Variants in KIF17 observed in about 807,000 individuals in gnomAD.
KIF17 encodes the protein kinesin family member 17, also known as kinesin-like protein KIF17.
A neutral mutation model predicts 96.8 loss-of-function variants in KIF17; 80 were observed. The observed-to-expected ratio is 0.83, with a 90% CI of 0.69 to 1.00. KIF17 has a LOEUF of 1.00. Ranked by LOEUF, KIF17 falls within the 50% of genes least tolerant of loss-of-function variation. The pLI is 0.00. For missense variants in KIF17, 1,280 were observed against 1,372.9 expected (o/e 0.93, Z 1.07); for synonymous variants, 567 against 587.5 (o/e 0.97, Z 0.51).
intron 4 of KIF17, among the ~76,000 whole-genome samples, chr1:20,705,579 C>G (rs67962597): frequency 6.6e-6 from 1 of 152,224 alleles, no homozygotes; most frequent in Non-Finnish European, 1.5e-5. Context: ...TCCACAGACA[C>G]GCTTTGAAGA....
chr1:20,683,004 A>G, intron 10 of KIF17, 120 bp from the exon 11 acceptor site: 1 of 821,288 alleles, frequency 1.2e-6, no homozygotes, highest in South Asian at 1.7e-5. Flanking sequence ...CCCACTTCAC[A>G]GGGAGGGAAA....
At position 20,717,407 on chromosome 1, in the gene KIF17, G is replaced by A. The variant is rs1419375197; in HGVS notation, c.231+69C>T. 4.5e-6 allele frequency: 7 copies of A among 1,563,590 alleles called. No homozygotes were observed. The Admixed American group carries it at 5.2e-5, about 12-fold the overall frequency. On this transcript the variant is annotated intron_variant, in intron 1 of 14. Transcript: ENST00000400463. ...TTCCTCCTGGCTGGGGGGCAGCGCA[G>A]CCCCCTGGGGACTCTCGGGGCGGCC...
At chr1:20,695,240 T>C (rs1196115977) in intron 6 of KIF17, among the ~76,000 whole-genome samples, 1 of 152,022 alleles carries the variant, frequency 6.6e-6, no homozygotes, top group African/African-American at 2.4e-5. Flanking sequence ...CAGGCTGGAG[T>C]GCAGTGGCGC....
intron 5 of KIF17, among the ~76,000 whole-genome samples, chr1:20,698,785 C>T (rs1234774410): frequency 6.6e-6 from 1 of 152,078 alleles, no homozygotes; most frequent in East Asian, 1.9e-4. Context: ...TGAAATGCCT[C>T]GTGGTGGTGT....
chr1:20,710,116 G>A (rs2054412011), intron 3 of KIF17, among the ~76,000 whole-genome samples: 1 of 152,180 alleles, frequency 6.6e-6, no homozygotes, highest in African/African-American at 2.4e-5. Context: ...TAGGATATGG[G>A]GAGGAATCCG....
At position 20,704,903 on chromosome 1, in the gene KIF17, C is replaced by T; in HGVS notation, c.671-4G>A. ...AGGTGGTCCTTGCCCCGCTCATCTGCACACAGACCAGGCAAAGTGGCGAGG... is the reference window on the plus strand; with the variant it reads ...AGGTGGTCCTTGCCCCGCTCATCTGTACACAGACCAGGCAAAGTGGCGAGG... On this transcript the variant is annotated splice_polypyrimidine_tract_variant and splice_region_variant and intron_variant, in intron 4 of 14. Coordinates refer to ENST00000400463, the MANE Select transcript of KIF17 (RefSeq NM_001122819.3). This position sits in a 1 kb window ranked among gnomAD's most constrained non-coding sequence, Gnocchi z 6.8. 6.3e-7 allele frequency: 1 copy of T among 1,599,474 alleles called. No individual in the cohort carries two copies. The highest frequency in any genetic ancestry group is 8.5e-7 in the Non-Finnish European group (1 of 1,179,696).
At chr1:20,697,227 T>C (rs966680202) in intron 6 of KIF17, among the ~76,000 whole-genome samples, 4 of 151,736 alleles carry the variant, frequency 2.6e-5, no homozygotes, top group African/African-American at 9.7e-5. Context: ...GTGGCAGGGG[T>C]CCAGCAGCGG....
chr1:20,691,744 C>T (rs896856313), intron 6 of KIF17, among the ~76,000 whole-genome samples: 4 of 151,624 alleles, frequency 2.6e-5, no homozygotes, highest in Non-Finnish European at 5.9e-5. Flanking sequence ...GCTGGGATTA[C>T]AGGCATGAGC....
Position 20,675,426 on chromosome 1 carries a change from C to T in KIF17, c.2464-3230G>A, listed in dbSNP as rs945651381. ...TCACGCCATTGCACTCCAGCCTGGG[C>T]GACAAAGCGAGACTCTGTCTCAAAA... On this transcript the variant is annotated intron_variant, in intron 11 of 14. Coordinates refer to ENST00000400463, the MANE Select transcript of KIF17 (RefSeq NM_001122819.3). 8.6e-4 allele frequency among the ~76,000 whole-genome samples: 123 copies of T among 143,328 alleles called. 1 individual carries two copies. The highest frequency in any genetic ancestry group is 2.6e-3 in the African/African-American group (101 of 38,516). The allele number at this position is 143,328 out of a possible 152,430, so 94.0% of individuals were successfully genotyped here. A position where few individuals can be genotyped will look rare whatever the true frequency, so the allele number is the denominator to read the frequency against.
In KIF17 at chr1:20,672,434, G is replaced by A. The variant is rs551154490; in HGVS notation, c.2464-238C>T. Reference sequence around the variant, plus strand: ...AATCACCCTGCTGTCTCTCCACCCAGCATTTAAATGAGCACCTAATGTGTC... The same window carrying A: ...AATCACCCTGCTGTCTCTCCACCCAACATTTAAATGAGCACCTAATGTGTC... On this transcript the variant is annotated intron_variant, in intron 11 of 14. Transcript: ENST00000400463. The surrounding 1 kb of genome is among the most constrained non-coding windows in gnomAD (Gnocchi z 4.3). Among the ~76,000 whole-genome samples, 1 of 152,154 alleles carries A rather than the reference G, an allele frequency of 6.6e-6. No homozygotes were observed. The highest frequency in any genetic ancestry group is 6.5e-5 in the Admixed American group (1 of 15,272).
intron 7 of KIF17, among the ~76,000 whole-genome samples, chr1:20,689,525 C>T (rs907727519): frequency 1.3e-5 from 2 of 152,068 alleles, no homozygotes; most frequent in Non-Finnish European, 2.9e-5. Context: ...GTAGTGTGCA[C>T]CTGTAATCCC....
Position 20,672,235 on chromosome 1 carries a change from T to A in KIF17, c.2464-39A>T, listed in dbSNP as rs1416840334. Reference sequence around the variant, plus strand: ...ATGACAAGCAGTGAGCAGGGAAAGATACCTCCCCTTCCATCTAACCACCCT... The same window carrying A: ...ATGACAAGCAGTGAGCAGGGAAAGAAACCTCCCCTTCCATCTAACCACCCT... On this transcript the variant is annotated intron_variant, in intron 11 of 14. Transcript: ENST00000400463. This position sits in a 1 kb window ranked among gnomAD's most constrained non-coding sequence, Gnocchi z 4.3. The A allele has an allele frequency of 6.2e-7, 1 of 1,611,066 alleles. No individual in the cohort carries two copies. The highest frequency in any genetic ancestry group is 1.1e-5 in the South Asian group (1 of 90,792).
intron 11 of KIF17, among the ~76,000 whole-genome samples, chr1:20,673,796 G>C (rs989921287): frequency 2.6e-5 from 4 of 152,080 alleles, no homozygotes; most frequent in South Asian, 2.1e-4. Context: ...CTCCCAAAGT[G>C]TTGGGATTAC....
At chr1:20,690,369 C>T in intron 6 of KIF17, 34 bp from the exon 7 acceptor site, 1 of 1,580,282 alleles carries the variant, frequency 6.3e-7, no homozygotes, top group Non-Finnish European at 8.7e-7. Flanking sequence ...GGGCAGGCAG[C>T]ATTTTATCAT....
intron 3 of KIF17, among the ~76,000 whole-genome samples, chr1:20,712,863 T>TTAGAGATATTATCTATAA (rs2054493904): frequency 5.3e-5 from 2 of 38,046 alleles, no homozygotes; most frequent in African/African-American, 1.5e-4. Context: ...ATTATCTATA[T>TTAGAGATATTATCTATAA]TATAGATATT....
At chr1:20,690,116 G>A in intron 7 of KIF17, 72 bp downstream of exon 7, 1 of 1,525,996 alleles carries the variant, frequency 6.6e-7, no homozygotes, top group South Asian at 1.1e-5. Context: ...GCTCTGTGAT[G>A]CAGTTACTGC....
Position 20,700,496 on chromosome 1 carries a change from T to A in KIF17, c.1124-2008A>T, listed in dbSNP as rs1422120723. On this transcript the variant is annotated intron_variant, in intron 5 of 14. Transcript: ENST00000400463. This position sits in a 1 kb window ranked among gnomAD's most constrained non-coding sequence, Gnocchi z 4.6. ...GGTTTGAACACCTGAGTTGCCTCTG[T>A]CAGCTGTTGGGGGGAGCTGCAGCCT... is the stretch of plus-strand genomic sequence containing the variant. Among the ~76,000 whole-genome samples, 2 of 152,154 alleles carry A rather than the reference T, an allele frequency of 1.3e-5. No homozygotes were observed. Among genetic ancestry groups the A allele is most frequent in the Non-Finnish European group, 2.9e-5 (2 of 68,032 alleles).
chr1:20,672,267 T>A lies in KIF17; in HGVS notation c.2464-71A>T. 6.3e-7 allele frequency: 1 copy of A among 1,584,462 alleles called. No homozygotes were observed. Among genetic ancestry groups the A allele is most frequent in the Non-Finnish European group, 8.6e-7 (1 of 1,166,186 alleles). On this transcript the variant is annotated intron_variant, in intron 11 of 14. Transcript: ENST00000400463. The surrounding 1 kb of genome is among the most constrained non-coding windows in gnomAD (Gnocchi z 4.3). ...CCTTCCATCTAACCACCCTGTCCAC[T>A]CACTGTCCTGCCAGCAGCCACGCAT...
At chr1:20,690,691 T>A (rs710315) in intron 6 of KIF17, among the ~76,000 whole-genome samples, 67,479 of 139,712 alleles carry the variant, frequency 0.48, 15,890 homozygotes, top group African/African-American at 0.64. Flanking sequence ...CAAAAAAAAA[T>A]TTTTTTTTTT....
Sources: allele counts gnomAD v4.1 joint callset (sites outside exome capture counted in the v4.1 genomes callset), GRCh38; gene constraint gnomAD v4.1.1; non-coding constraint Gnocchi (gnomAD v3.1); transcripts MANE v1.5; gene names NCBI Gene and HGNC (gene_info 2026-07-23, HGNC 2026-07-21).